Variants in SLC27A2 observed in about 807,000 individuals in gnomAD.
SLC27A2 encodes long-chain fatty acid transport protein 2.
SLC27A2 carries 54 observed loss-of-function variants against 60.0 expected under a neutral mutation model. That is an observed-to-expected ratio of 0.90 (90% CI 0.72 to 1.13). The LOEUF (loss-of-function observed/expected upper bound fraction) is 1.13, where lower values mean the gene tolerates loss of function less well. SLC27A2 is among the 50% of genes most tolerant of loss of function. SLC27A2 has a pLI of 0.00. For missense variants in SLC27A2, 739 were observed against 777.6 expected (o/e 0.95, Z 0.59); for synonymous variants, 297 against 297.6 (o/e 1.00, Z 0.02).
chr15:50,231,354 T>TCACCA, intron 8 of SLC27A2, among the ~76,000 whole-genome samples: 1 of 151,780 alleles, frequency 6.6e-6, no homozygotes, highest in African/African-American at 2.4e-5. Context: ...ACCATGTTGG[T>TCACCA]CAGGCTGCTC....
intron 9 of SLC27A2, 117 bp downstream of exon 9, chr15:50,234,115 C>T (rs2045333674): frequency 2.0e-6 from 2 of 1,010,014 alleles, no homozygotes; most frequent in South Asian, 3.7e-5. Flanking sequence ...CCGCACTTTC[C>T]AGGAAGCTCA....
At chr15:50,185,850 T>C (rs1043179396) in intron 1 of SLC27A2, among the ~76,000 whole-genome samples, 2 of 152,066 alleles carry the variant, frequency 1.3e-5, no homozygotes, top group South Asian at 2.1e-4. Context: ...AGGATGGTCT[T>C]GATCTCCTGA....
At chr15:50,228,726 C>T (rs75394072) in intron 7 of SLC27A2, among the ~76,000 whole-genome samples, 1,666 of 152,246 alleles carry the variant, frequency 0.011, 40 homozygotes, top group African/African-American at 0.038. Context: ...CATGTGGCAA[C>T]ATTGAAATTC....
intron 4 of SLC27A2, among the ~76,000 whole-genome samples, chr15:50,221,096 C>T (rs2045238822): frequency 6.6e-6 from 1 of 151,860 alleles, no homozygotes; most frequent in African/African-American, 2.4e-5. Context: ...GTCCCAGCCA[C>T]TCATGAGGCT....
At chr15:50,209,858 GA>G (rs2045140801) in intron 4 of SLC27A2, among the ~76,000 whole-genome samples, 1 of 152,122 alleles carries the variant, frequency 6.6e-6, no homozygotes, top group Admixed American at 6.5e-5. Context: ...AAGGCGATGA[GA>G]AAAACACACA....
At chr15:50,202,031 T>G (rs1236938822) in intron 2 of SLC27A2, among the ~76,000 whole-genome samples, 1 of 152,224 alleles carries the variant, frequency 6.6e-6, no homozygotes, top group Non-Finnish European at 1.5e-5. Flanking sequence ...TATGGATTTT[T>G]AAAATGTCTT....
Position 50,222,952 on chromosome 15 carries a change from T to TC in SLC27A2, c.973-8dup. On this transcript the variant is annotated splice_polypyrimidine_tract_variant and intron_variant, in intron 4 of 9. Coordinates refer to ENST00000267842, the MANE Select transcript of SLC27A2 (RefSeq NM_003645.4). ...ATGTTTCAGTTTGGTCTCCTTCTTC[T>TC]CCCCCACCACAGAAACCAAATGACC... 6.3e-7 allele frequency: 1 copy of TC among 1,590,180 alleles called. No homozygotes were observed. The highest frequency in any genetic ancestry group is 8.6e-7 in the Non-Finnish European group (1 of 1,167,940).
At chr15:50,213,621 C>T (rs1449128315) in intron 4 of SLC27A2, among the ~76,000 whole-genome samples, 2 of 152,028 alleles carry the variant, frequency 1.3e-5, no homozygotes, top group African/African-American at 4.8e-5. Flanking sequence ...TGTCTCAGAC[C>T]ACAGTGGAAT....
intron 6 of SLC27A2, among the ~76,000 whole-genome samples, chr15:50,226,645 T>A (rs1338199290): frequency 6.6e-6 from 1 of 152,076 alleles, no homozygotes; most frequent in Non-Finnish European, 1.5e-5. Context: ...GGCAGGAGAA[T>A]CCCTTGACCA....
chr15:50,226,913 T>C, intron 6 of SLC27A2, 67 bp from the exon 7 acceptor site: 1 of 1,359,508 alleles, frequency 7.4e-7, no homozygotes. Flanking sequence ...GCATTAGTTT[T>C]AAGAGAAGGT....
chr15:50,230,182 C>T (rs1315891749), intron 8 of SLC27A2, among the ~76,000 whole-genome samples: 4 of 146,832 alleles, frequency 2.7e-5, no homozygotes, highest in Non-Finnish European at 4.4e-5. Context: ...TGCAGTGAGC[C>T]GAGATCGTGC....
intron 1 of SLC27A2, among the ~76,000 whole-genome samples, chr15:50,192,787 TA>T (rs35220625): frequency 5.9e-5 from 8 of 136,510 alleles, no homozygotes; most frequent in South Asian, 2.3e-4. Context: ...ACATTTTTCT[TA>T]AAAAAAAAAA....
rs376599288 is a variant in SLC27A2, at chr15:50,236,105, A to C, written c.*9A>C. On this transcript the variant is annotated 3_prime_UTR_variant, in exon 10 of 10. Transcript: ENST00000267842. ...AAACCCTGAAACTCTGAATATTCCCAGGAGGATAACTCAACATTTCCAGAA... is the reference window on the plus strand; with the variant it reads ...AAACCCTGAAACTCTGAATATTCCCCGGAGGATAACTCAACATTTCCAGAA... 6.4e-7 allele frequency: 1 copy of C among 1,563,412 alleles called. No individual in the cohort carries two copies. The highest frequency in any genetic ancestry group is 8.7e-7 in the Non-Finnish European group (1 of 1,147,566).
rs577766814 is a variant in SLC27A2, at chr15:50,183,994, C to CTTTTTTTTTTTTTTTTTTTT, written c.478+1107_478+1108insTTTTTTTTTTTTTTTTTTTT. On this transcript the variant is annotated intron_variant, in intron 1 of 9. Coordinates refer to ENST00000267842, the MANE Select transcript of SLC27A2 (RefSeq NM_003645.4). Reference sequence around the variant, plus strand: ...TTCGAAGCCATGCTCTTTCCTACATCTTTTTTTTTTTTTTTTTTGACAGTC... The same window carrying CTTTTTTTTTTTTTTTTTTTT: ...TTCGAAGCCATGCTCTTTCCTACATCTTTTTTTTTTTTTTTTTTTTTTTTTTTTTTTTTTTTTTGACAGTC... Among the ~76,000 whole-genome samples the CTTTTTTTTTTTTTTTTTTTT allele has an allele frequency of 1.4e-3, 128 of 91,170 alleles. 20 individuals carry two copies. Among genetic ancestry groups the CTTTTTTTTTTTTTTTTTTTT allele is most frequent in the Non-Finnish European group, 2.4e-3 (115 of 47,466 alleles). The allele number at this position is 91,170 out of a possible 152,430, so 59.8% of individuals were successfully genotyped here. A position where few individuals can be genotyped will look rare whatever the true frequency, so the allele number is the denominator to read the frequency against.
intron 1 of SLC27A2, among the ~76,000 whole-genome samples, chr15:50,192,671 A>G (rs1221499457): frequency 6.6e-6 from 1 of 151,624 alleles, no homozygotes; most frequent in Non-Finnish European, 1.5e-5. Flanking sequence ...CAGCCTCCAG[A>G]GTAGCTGGGA....
rs141788518 is a variant in SLC27A2, at chr15:50,235,180, T to C, written c.1687-740T>C. On this transcript the variant is annotated intron_variant, in intron 9 of 9. Transcript: ENST00000267842. The stretch of plus-strand genomic sequence containing the variant: ...TCCAGATATTGTGTGTATAGGATTA[T>C]TCCTGTTGATGTTCATAGGGCACCA... Among the ~76,000 whole-genome samples the C allele has an allele frequency of 8.5e-5, 13 of 152,348 alleles. No individual in the cohort carries two copies. In the East Asian group the frequency reaches 2.5e-3, roughly 29 times the overall value.
Position 50,236,079 on chromosome 15 carries a change from A to C in SLC27A2, c.1846A>C (p.Lys616Gln), listed in dbSNP as rs1361147607. ...GGACATCTATAATGCCATAAGTGCTAAAACCCTGAAACTCTGAATATTCCC... is the reference window on the plus strand; with the variant it reads ...GGACATCTATAATGCCATAAGTGCTCAAACCCTGAAACTCTGAATATTCCC... ...TEDIYNAISA[K>Q]TLKL The change falls in exon 10 of 10, where the codon AAA becomes CAA. Residue 616 changes from lysine (K) to glutamine (Q), a missense_variant. Transcript: ENST00000267842. 4 of 1,600,708 alleles carry C rather than the reference A, an allele frequency of 2.5e-6. No homozygotes were observed. The highest frequency in any genetic ancestry group is 3.4e-6 in the Non-Finnish European group (4 of 1,171,332).
chr15:50,202,785 A>T, intron 3 of SLC27A2, 140 bp downstream of exon 3: 1 of 755,306 alleles, frequency 1.3e-6, no homozygotes, highest in Non-Finnish European at 2.2e-6. Context: ...AATTTGAATC[A>T]CATATTACAA....
At position 50,229,058 on chromosome 15, in the gene SLC27A2, G is replaced by GGC; in HGVS notation, c.1555+16_1555+17insGC. 1 of 1,465,730 alleles carries GGC rather than the reference G, an allele frequency of 6.8e-7. No individual in the cohort carries two copies. 90.8% of individuals were successfully genotyped at this position (1,465,730 alleles called of 1,614,324 possible). A position where few individuals can be genotyped will look rare whatever the true frequency, so the allele number is the denominator to read the frequency against. On this transcript the variant is annotated intron_variant, in intron 8 of 9. Transcript: ENST00000267842. ...CATGTGCCAGGTATATACAAGATAT[G>GGC]ATCTGTACCTAACCCATAGAGTAAC...
Sources: allele counts gnomAD v4.1 joint callset (sites outside exome capture counted in the v4.1 genomes callset), GRCh38; gene constraint gnomAD v4.1.1; transcripts MANE v1.5; gene names NCBI Gene and HGNC (gene_info 2026-07-23, HGNC 2026-07-21).